MYO6: variants seen among roughly 807,000 people sequenced by gnomAD.
MYO6 encodes the protein unconventional myosin-VI.
Under a neutral mutation model 178.7 loss-of-function variants are expected in MYO6, and 74 were observed. The observed-to-expected ratio is 0.41, with a 90% CI of 0.34 to 0.50. The LOEUF is 0.50. MYO6 is among the 20% of genes least tolerant of loss of function. The probability of loss-of-function intolerance (pLI) is 0.09; values close to 1 mark genes in which losing one functional copy is unlikely to be tolerated. For missense variants in MYO6, 1,330 were observed against 1,547.4 expected (o/e 0.86, Z 2.36); for synonymous variants, 477 against 504.6 (o/e 0.95, Z 0.73).
chr6:75,780,183 G>A (rs1215463511), intron 1 of MYO6, among the ~76,000 whole-genome samples: 1 of 152,226 alleles, frequency 6.6e-6, no homozygotes, highest in Non-Finnish European at 1.5e-5. Context: ...GCTCATGCCT[G>A]TAATCCCAGC....
At chr6:75,813,312 A>G (rs1041022521) in intron 1 of MYO6, among the ~76,000 whole-genome samples, 21 of 151,932 alleles carry the variant, frequency 1.4e-4, no homozygotes, top group South Asian at 2.1e-4. Flanking sequence ...GGCCACCACC[A>G]TCCCAAGCCC....
At chr6:75,773,753 G>A (rs1766112688) in intron 1 of MYO6, among the ~76,000 whole-genome samples, 1 of 152,190 alleles carries the variant, frequency 6.6e-6, no homozygotes, top group African/African-American at 2.4e-5. Flanking sequence ...AGAAAGAGCA[G>A]TGTAAGATGG....
chr6:75,858,867 C>T (rs1409523240), intron 13 of MYO6, 35 bp from the exon 14 acceptor site: 2 of 1,236,796 alleles, frequency 1.6e-6, no homozygotes, highest in Admixed American at 3.6e-5. Flanking sequence ...AAGTTGATCT[C>T]ATAATGACTC....
At chr6:75,844,010 G>A (rs1397623380) in intron 9 of MYO6, among the ~76,000 whole-genome samples, 1 of 152,080 alleles carries the variant, frequency 6.6e-6, no homozygotes, top group Admixed American at 6.5e-5. Context: ...AAAAAAACTT[G>A]TCCATCCTGT....
At position 75,892,565 on chromosome 6, in the gene MYO6, G is replaced by A. The variant is rs55905349; in HGVS notation, c.2982G>A (p.Glu994=). 10,768 of 1,613,928 alleles carry A rather than the reference G, an allele frequency of 6.7e-3. 55 individuals carry two copies. Among genetic ancestry groups the A allele is most frequent in the Middle Eastern group, 0.014 (80 of 5,846 alleles). Residue 994 remains glutamate, a synonymous_variant, in exon 28 of 35, where the codon GAG becomes GAA. Coordinates refer to ENST00000369977, the MANE Select transcript of MYO6 (RefSeq NM_004999.4). ...AGGCACAGCTGGCCCGACAGAAGGA[G>A]GAGGAATCCCAACAGCAAGCAGTTC... ...EVEAQLARQK[E]EESQQQAVLE... is the part of the protein sequence containing the mutation.
chr6:75,844,827 T>A, intron 9 of MYO6, 70 bp from the exon 10 acceptor site: 1 of 1,253,170 alleles, frequency 8.0e-7, no homozygotes, highest in Non-Finnish European at 1.2e-6. Context: ...ATTTGGTAAG[T>A]TGTGTTTTCT....
In MYO6 at chr6:75,861,885, G is replaced by C. The variant is rs148636493; in HGVS notation, c.1547-711G>C. ...TTGACTGTGTGGTTTGATATGGCTG[G>C]AACTCTTCCCCTTCCATTTGTCTTT... On this transcript the variant is annotated intron_variant, in intron 15 of 34. Transcript: ENST00000369977. 3.7e-3 allele frequency among the ~76,000 whole-genome samples: 564 copies of C among 152,146 alleles called. 2 individuals carry two copies. Among genetic ancestry groups the C allele is most frequent in the African/African-American group, 0.013 (526 of 41,514 alleles).
intron 20 of MYO6, among the ~76,000 whole-genome samples, chr6:75,878,225 G>C (rs1777728533): frequency 1.4e-5 from 2 of 148,130 alleles, no homozygotes; most frequent in African/African-American, 2.4e-5. Context: ...TTTTATGCTG[G>C]TTAGATTAAG....
At chr6:75,772,484 T>A (rs1765990487) in intron 1 of MYO6, among the ~76,000 whole-genome samples, 1 of 152,220 alleles carries the variant, frequency 6.6e-6, no homozygotes, top group African/African-American at 2.4e-5. Context: ...GGAAACATTT[T>A]ACATTAGGAA....
At chr6:75,771,970 G>A (rs1765940554) in intron 1 of MYO6, among the ~76,000 whole-genome samples, 1 of 152,114 alleles carries the variant, frequency 6.6e-6, no homozygotes, top group Non-Finnish European at 1.5e-5. Flanking sequence ...GTATCTTGTG[G>A]AGGAGTTAAA....
At chr6:75,889,815 T>C (rs1397095312) in intron 25 of MYO6, among the ~76,000 whole-genome samples, 3 of 152,236 alleles carry the variant, frequency 2.0e-5, no homozygotes, top group African/African-American at 7.2e-5. Context: ...ATTTTTTGAA[T>C]AGTATTTAAT....
intron 20 of MYO6, among the ~76,000 whole-genome samples, chr6:75,875,298 C>A (rs1780568684): frequency 6.6e-6 from 1 of 152,022 alleles, no homozygotes; most frequent in Admixed American, 6.6e-5. Context: ...TTGGGAGGGG[C>A]AGGGTTTATT....
chr6:75,879,792 A>G, intron 20 of MYO6, 28 bp from the exon 21 acceptor site: 2 of 1,614,146 alleles, frequency 1.2e-6, no homozygotes, highest in Non-Finnish European at 1.7e-6. Flanking sequence ...AGTGATTGAC[A>G]GTGCTTTGTG....
chr6:75,839,314 A>G (rs1231169116), intron 7 of MYO6, among the ~76,000 whole-genome samples: 1 of 151,694 alleles, frequency 6.6e-6, no homozygotes, highest in Non-Finnish European at 1.5e-5. Context: ...TCAGCCTCCC[A>G]TGTAGCTGGG....
chr6:75,841,247 C>T lies in MYO6; in HGVS notation c.685C>T (p.Leu229Phe), dbSNP rs1301010120. The T allele has an allele frequency of 3.7e-6, 6 of 1,613,546 alleles. No homozygotes were observed. In the Admixed American group the frequency reaches 5.0e-5, roughly 13 times the overall value. ...TGTTGGAGGATTTGTTTCACATTAT[C>T]TCCTAGAGAAATCTAGGATCTGTGT... ...SVVGGFVSHYLLEKSRICVQG... is the reference protein window; with the variant it reads ...SVVGGFVSHYFLEKSRICVQG... Residue 229 changes from leucine (L) to phenylalanine (F), a missense_variant, in exon 9 of 35, where the codon CTC (leucine) becomes TTC (phenylalanine). Physicochemically the swap from Leu to Phe is conservative, Grantham distance 22. Around this residue, in one of 3 missense-constraint regions of MYO6, gnomAD observed 613 missense variants for 816.8 expected, o/e 0.75. Transcript: ENST00000369977.
At chr6:75,762,585 G>A (rs1440633946) in intron 1 of MYO6, among the ~76,000 whole-genome samples, 4 of 152,072 alleles carry the variant, frequency 2.6e-5, no homozygotes, top group Admixed American at 2.0e-4. Flanking sequence ...GGTGACATTC[G>A]TGCATCTATG....
Position 75,873,196 on chromosome 6 carries a change from T to G in MYO6, c.1984-11T>G. 6.2e-7 allele frequency: 1 copy of G among 1,611,448 alleles called. No individual in the cohort carries two copies. The highest frequency in any genetic ancestry group is 8.5e-7 in the Non-Finnish European group (1 of 1,177,650). ...TATGTATTGTAACAAAAAGTACCTT[T>G]ATTTTCCTAGGGAGCAAGCTTTATT... On this transcript the variant is annotated splice_polypyrimidine_tract_variant and intron_variant, in intron 19 of 34. Transcript: ENST00000369977.
intron 15 of MYO6, among the ~76,000 whole-genome samples, chr6:75,861,534 A>T (rs1035749471): frequency 6.7e-6 from 1 of 149,624 alleles, no homozygotes; most frequent in African/African-American, 2.4e-5. Flanking sequence ...AGCTGGCTTC[A>T]TGTGTCACAG....
intron 19 of MYO6, among the ~76,000 whole-genome samples, chr6:75,871,127 G>A (rs1007582544): frequency 1.3e-5 from 2 of 152,096 alleles, no homozygotes; most frequent in Non-Finnish European, 2.9e-5. Flanking sequence ...ATACATTTTA[G>A]TAATTCACCC....
Sources: allele counts gnomAD v4.1 joint callset (sites outside exome capture counted in the v4.1 genomes callset), GRCh38; gene constraint gnomAD v4.1.1; regional missense constraint gnomAD v4.1.1; transcripts MANE v1.5; gene names NCBI Gene and HGNC (gene_info 2026-07-23, HGNC 2026-07-21).